The following VEGFC variants were observed in gnomAD, a reference collection of about 807,000 sequenced individuals.
VEGFC encodes vascular endothelial growth factor C, also known as FLT4 ligand DHM.
In VEGFC, 12 loss-of-function variants were observed where a neutral mutation model predicts 46.1. That is an observed-to-expected ratio of 0.26 (90% CI 0.17 to 0.42). The LOEUF (loss-of-function observed/expected upper bound fraction) is 0.42. Among genes scored for constraint, VEGFC ranks in the 10% least tolerant of loss-of-function variants. The pLI, the probability that VEGFC is intolerant of heterozygous loss-of-function variation, is 1.00. For synonymous variants in VEGFC, 232 were observed against 195.5 expected (o/e 1.19, Z -1.56); for missense variants, 488 against 529.4 (o/e 0.92, Z 0.77).
Position 176,687,270 on chromosome 4 carries a change from A to T in VEGFC, c.1062T>A (p.Asn354Lys), listed in dbSNP as rs767059812. The T allele has an allele frequency of 9.3e-6, 15 of 1,613,772 alleles. No individual in the cohort carries two copies. Among genetic ancestry groups the T allele is most frequent in the Non-Finnish European group, 1.3e-5 (15 of 1,180,002 alleles). The change falls in exon 6 of 7, where the codon AAT becomes AAA. Residue 354 changes from asparagine (N) to lysine (K), a missense_variant. By Grantham distance (94) the Asn-to-Lys change is moderately conservative. Coordinates refer to ENST00000618562, the MANE Select transcript of VEGFC (RefSeq NM_005429.5). ...KRTCPRNQPL[N>K]PGKCACECTE... is the part of the protein sequence containing the mutation. ...TACATTCACAGGCACATTTTCCAGG[A>T]TTTAGGGGTTGATTTCTGGGGCAGG...
At chr4:176,706,772 C>CTCCT (rs1286793758) in intron 4 of VEGFC, among the ~76,000 whole-genome samples, 1 of 151,864 alleles carries the variant, frequency 6.6e-6, no homozygotes, top group Non-Finnish European at 1.5e-5. Context: ...CAATAACATG[C>CTCCT]TCCTATTTTG....
At chr4:176,768,491 CATATATATATAT>C (rs145504348) in intron 1 of VEGFC, among the ~76,000 whole-genome samples, 10 of 100,536 alleles carry the variant, frequency 9.9e-5, no homozygotes, top group Non-Finnish European at 1.8e-4. Context: ...ATGTTTTATA[CATATATATATAT>C]ATATATATAT....
At chr4:176,751,979 AAT>A (rs1233262904) in intron 1 of VEGFC, among the ~76,000 whole-genome samples, 32 of 152,004 alleles carry the variant, frequency 2.1e-4, no homozygotes, top group African/African-American at 7.7e-4. Flanking sequence ...AGAAAAAAAA[AAT>A]AAATGGATAA....
intron 1 of VEGFC, among the ~76,000 whole-genome samples, chr4:176,777,687 C>T (rs1348493353): frequency 6.6e-6 from 1 of 151,776 alleles, no homozygotes; most frequent in African/African-American, 2.4e-5. Flanking sequence ...TTTGGGAGGC[C>T]GAGGCAGGCG....
chr4:176,737,047 A>G (rs1735067951), intron 1 of VEGFC, among the ~76,000 whole-genome samples: 1 of 150,794 alleles, frequency 6.6e-6, no homozygotes, highest in South Asian at 2.1e-4. Context: ...GTGGTTATAC[A>G]AAACATACAC....
intron 1 of VEGFC, among the ~76,000 whole-genome samples, chr4:176,771,835 T>C (rs1053642737): frequency 6.6e-6 from 1 of 152,202 alleles, no homozygotes; most frequent in Non-Finnish European, 1.5e-5. Context: ...TCACACAGTG[T>C]GGGATCTACA....
intron 1 of VEGFC, among the ~76,000 whole-genome samples, chr4:176,780,381 CAAA>C (rs1252541684): frequency 2.4e-4 from 3 of 12,254 alleles, no homozygotes; most frequent in African/African-American, 7.4e-4. Context: ...GACTCCATCT[CAAA>C]AAAAAAAAAA....
chr4:176,777,141 A>G (rs887623035), intron 1 of VEGFC, among the ~76,000 whole-genome samples: 22 of 148,948 alleles, frequency 1.5e-4, no homozygotes, highest in South Asian at 6.3e-4. Flanking sequence ...GTGAAACCCC[A>G]TCTCTACTAA....
intron 3 of VEGFC, among the ~76,000 whole-genome samples, chr4:176,716,878 T>TTTC (rs201313583): frequency 0.013 from 1,978 of 152,274 alleles, 98 homozygotes; most frequent in Admixed American, 0.094. Context: ...ATCATGATAC[T>TTTC]ATTGTCAGAC....
In VEGFC at chr4:176,715,095, C is replaced by A. The variant is rs185335672; in HGVS notation, c.553-3445G>T. Among the ~76,000 whole-genome samples the A allele has an allele frequency of 6.6e-5, 10 of 152,162 alleles. No homozygotes were observed. The East Asian group carries it at 1.9e-3, about 29-fold the overall frequency. On this transcript the variant is annotated intron_variant, in intron 3 of 6. Coordinates refer to ENST00000618562, the MANE Select transcript of VEGFC (RefSeq NM_005429.5). ...TTTTTACAGTTGGAGAGAAAAAAAT[C>A]TTTGTTGCAGTTTAACTACTTAAAG...
chr4:176,711,472 G>GA (rs760870718), intron 4 of VEGFC, 27 bp downstream of exon 4: 11 of 1,583,872 alleles, frequency 6.9e-6, no homozygotes, highest in South Asian at 2.4e-5. Context: ...AGAGGATGCA[G>GA]AAAAAATAGA....
chr4:176,732,752 T>C (rs750377815), intron 1 of VEGFC, among the ~76,000 whole-genome samples: 3 of 151,722 alleles, frequency 2.0e-5, no homozygotes, highest in South Asian at 4.1e-4. Flanking sequence ...AAGAAAATAT[T>C]TGTGATCATA....
At chr4:176,789,396 T>C (rs1736052634) in intron 1 of VEGFC, among the ~76,000 whole-genome samples, 1 of 152,224 alleles carries the variant, frequency 6.6e-6, no homozygotes, top group Non-Finnish European at 1.5e-5. Context: ...CAGATATTCA[T>C]AGTTCAGAAG....
intron 1 of VEGFC, among the ~76,000 whole-genome samples, chr4:176,734,011 C>T (rs918957041): frequency 1.6e-4 from 24 of 151,598 alleles, no homozygotes; most frequent in Admixed American, 7.3e-4. Context: ...GATGGTAAGA[C>T]CTTATCTTCT....
chr4:176,782,665 A>T (rs1329928079), intron 1 of VEGFC, among the ~76,000 whole-genome samples: 1 of 152,126 alleles, frequency 6.6e-6, no homozygotes. Context: ...TACAAATATT[A>T]ATACGAAAAT....
At chr4:176,697,388 T>C (rs1734337896) in intron 4 of VEGFC, among the ~76,000 whole-genome samples, 1 of 152,174 alleles carries the variant, frequency 6.6e-6, no homozygotes, top group South Asian at 2.1e-4. Flanking sequence ...GAAAAAATGC[T>C]CACCATCACT....
chr4:176,744,392 C>A (rs1448015793), intron 1 of VEGFC, among the ~76,000 whole-genome samples: 1 of 151,930 alleles, frequency 6.6e-6, no homozygotes, highest in East Asian at 1.9e-4. Flanking sequence ...GCTCAAGTGT[C>A]CAGGGCTAAC....
In VEGFC at chr4:176,759,138, T is replaced by C. The variant is rs571609289; in HGVS notation, c.148-29392A>G. On this transcript the variant is annotated intron_variant, in intron 1 of 6. Transcript: ENST00000618562. The stretch of plus-strand genomic sequence containing the variant: ...TATACTTTTTATTGAACTTTGGAAC[T>C]GTCAGGATAAATTTTCTTTTCTTCA... Among the ~76,000 whole-genome samples the C allele has an allele frequency of 5.3e-5, 8 of 152,352 alleles. No individual in the cohort carries two copies. In the South Asian group the frequency reaches 1.7e-3, roughly 32 times the overall value.
At chr4:176,684,322 T>A (rs892585449) in intron 6 of VEGFC, among the ~76,000 whole-genome samples, 1 of 152,142 alleles carries the variant, frequency 6.6e-6, no homozygotes, top group Non-Finnish European at 1.5e-5. Flanking sequence ...GCTTCATGGG[T>A]GAAAGAAACA....
Sources: allele counts gnomAD v4.1 joint callset (sites outside exome capture counted in the v4.1 genomes callset), GRCh38; gene constraint gnomAD v4.1.1; transcripts MANE v1.5; gene names NCBI Gene and HGNC (gene_info 2026-07-23, HGNC 2026-07-21).